Variants in FBN3 observed in about 807,000 individuals in gnomAD.
FBN3 encodes fibrillin-3.
Under a neutral mutation model 330.1 loss-of-function variants are expected in FBN3, and 234 were observed. The ratio of observed to expected loss-of-function variants is 0.71; its 90% CI spans 0.64 to 0.79. FBN3 has a LOEUF of 0.79. Ranked by LOEUF, FBN3 falls within the 30% of genes least tolerant of loss-of-function variation. FBN3 has a pLI of 0.00. For missense variants in FBN3, 3,606 were observed against 3,886.9 expected, an observed-to-expected ratio of 0.93 and a Z score of 1.92; for synonymous variants, 1,458 against 1,517.3, an observed-to-expected ratio of 0.96 and a Z score of 0.91.
At chr19:8,143,190 C>A (rs72993515) in intron 6 of FBN3, among the ~76,000 whole-genome samples, 10,215 of 152,198 alleles carry the variant, frequency 0.067, 469 homozygotes, top group East Asian at 0.11. Flanking sequence ...GCTGGCCCTT[C>A]CTTCTCTCAC....
At chr19:8,068,435 G>A (rs1352127908) in intron 63 of FBN3, among the ~76,000 whole-genome samples, 1 of 150,618 alleles carries the variant, frequency 6.6e-6, no homozygotes, top group Non-Finnish European at 1.5e-5. Context: ...GGTGGCTCAT[G>A]CCTGTACTCC....
chr19:8,089,975 G>A lies in FBN3; in HGVS notation c.6185-16C>T. The A allele has an allele frequency of 1.2e-6, 2 of 1,608,606 alleles. No individual in the cohort carries two copies. The highest frequency in any genetic ancestry group is 1.7e-6 in the Non-Finnish European group (2 of 1,178,714). Reference sequence around the variant, plus strand: ...TGAAAGGCAGCTGGACGGAGAGGGGGAGGGGAGTCAGAGTCAGGGCCTAGG... The same window carrying A: ...TGAAAGGCAGCTGGACGGAGAGGGGAAGGGGAGTCAGAGTCAGGGCCTAGG... On this transcript the variant is annotated splice_polypyrimidine_tract_variant and intron_variant, in intron 49 of 63. Coordinates refer to ENST00000600128, the MANE Select transcript of FBN3 (RefSeq NM_032447.5).
chr19:8,131,768 G>T lies in FBN3; in HGVS notation c.1776C>A (p.Gly592=). The T allele has an allele frequency of 6.2e-7, 1 of 1,613,186 alleles. No homozygotes were observed. Among genetic ancestry groups the T allele is most frequent in the South Asian group, 1.1e-5 (1 of 90,942 alleles). Reference sequence around the variant, plus strand: ...CCCCCAGGCACTGGCAGCGGAAGGAGCCCTCGGTGTTGGTACAGTGGCCGT... The same window carrying T: ...CCCCCAGGCACTGGCAGCGGAAGGATCCCTCGGTGTTGGTACAGTGGCCGT... ...CVNGHCTNTE[G]SFRCQCLGGL... The change falls in exon 15 of 64, where the codon GGC becomes GGA. Residue 592 remains glycine, a synonymous_variant. Coordinates refer to ENST00000600128, the MANE Select transcript of FBN3 (RefSeq NM_032447.5). The surrounding 1 kb of genome is among the most constrained non-coding windows in gnomAD (Gnocchi z 4.5).
chr19:8,085,462 G>A lies in FBN3; in HGVS notation c.6988C>T (p.Arg2330Trp), dbSNP rs372443838. The change falls in exon 56 of 64, where the codon CGG (arginine) becomes TGG (tryptophan). Residue 2330 changes from arginine (R) to tryptophan (W), a missense_variant. Coordinates refer to ENST00000600128, the MANE Select transcript of FBN3 (RefSeq NM_032447.5). The stretch of plus-strand genomic sequence containing the variant: ...AGCTCGCAGCGGGGCCCCCAGCCCC[G>A]GCCACCCCCACAGCAGCACTCGGCC... ...TRAECCCGGG[R>W]GWGPRCELCP... 37 of 1,580,276 alleles carry A rather than the reference G, an allele frequency of 2.3e-5. No homozygotes were observed. The highest frequency in any genetic ancestry group is 1.0e-4 in the South Asian group (9 of 86,604).
chr19:8,131,741 C>T lies in FBN3; in HGVS notation c.1803G>A (p.Gly601=), dbSNP rs984524890. 6 of 1,613,044 alleles carry T rather than the reference C, an allele frequency of 3.7e-6. No homozygotes were observed. Among genetic ancestry groups the T allele is most frequent in the Non-Finnish European group, 5.1e-6 (6 of 1,179,668 alleles). ...EGSFRCQCLG[G]LAVGTDGRVC... ...CGCGGCCATCCGTGCCTACCGCCAGCCCCCCCAGGCACTGGCAGCGGAAGG... is the reference window on the plus strand; with the variant it reads ...CGCGGCCATCCGTGCCTACCGCCAGTCCCCCCAGGCACTGGCAGCGGAAGG... Residue 601 remains glycine, a synonymous_variant, in exon 15 of 64, where the codon GGG becomes GGA. Transcript: ENST00000600128. The surrounding 1 kb of genome is among the most constrained non-coding windows in gnomAD (Gnocchi z 4.5).
rs949655703 is a variant in FBN3, at chr19:8,141,931, A to C, written c.739+9T>G. On this transcript the variant is annotated intron_variant, in intron 7 of 63. Transcript: ENST00000600128. ...AGGCCTCCCACTCAGCCCTGACCCC[A>C]CTATTCACCTTGGCAGGCCCCCGTG... 6 of 1,614,090 alleles carry C rather than the reference A, an allele frequency of 3.7e-6. No homozygotes were observed. The highest frequency in any genetic ancestry group is 2.2e-5 in the East Asian group (1 of 44,876).
intron 51 of FBN3, among the ~76,000 whole-genome samples, chr19:8,088,801 G>A (rs2082025039): frequency 6.6e-6 from 1 of 152,162 alleles, no homozygotes. Flanking sequence ...ACAAATGAAG[G>A]AACAAATGAA....
At chr19:8,080,383 C>T (rs941100546) in intron 59 of FBN3, among the ~76,000 whole-genome samples, 3 of 152,186 alleles carry the variant, frequency 2.0e-5, no homozygotes, top group African/African-American at 7.2e-5. Context: ...CTGATTTCCT[C>T]CTGGGACTAT....
Position 8,097,215 on chromosome 19 carries a change from A to C in FBN3, c.5287+74T>G. 1.9e-6 allele frequency: 3 copies of C among 1,543,310 alleles called. 1 individual carries two copies. The South Asian group carries it at 3.6e-5, about 18-fold the overall frequency. ...AATGGAGGCTTACAGAGTTTTAGTT[A>C]CTCGCCCAGATTGCACAGTGGCGGA... On this transcript the variant is annotated intron_variant, in intron 42 of 63. Coordinates refer to ENST00000600128, the MANE Select transcript of FBN3 (RefSeq NM_032447.5).
intron 14 of FBN3, among the ~76,000 whole-genome samples, chr19:8,132,411 C>T (rs913718250): frequency 7.2e-5 from 11 of 151,758 alleles, no homozygotes; most frequent in African/African-American, 2.7e-4. Context: ...GAACTCCTGT[C>T]CTCAAGTGAT....
chr19:8,065,839 A>G lies in FBN3; in HGVS notation c.*80T>C. The G allele has an allele frequency of 1.7e-6, 2 of 1,202,600 alleles. No homozygotes were observed. The highest frequency in any genetic ancestry group is 2.3e-6 in the Non-Finnish European group (2 of 853,498). 74.5% of individuals were successfully genotyped at this position (1,202,600 alleles called of 1,614,324 possible). A position where few individuals can be genotyped will look rare whatever the true frequency, so the allele number is the denominator to read the frequency against. The stretch of plus-strand genomic sequence containing the variant: ...GTTTCGGGGTTCAATCTGGTCAGCC[A>G]TCGCTTCTGGGGATCAGTCCTTCCC... On this transcript the variant is annotated 3_prime_UTR_variant, in exon 64 of 64. Coordinates refer to ENST00000600128, the MANE Select transcript of FBN3 (RefSeq NM_032447.5).
At chr19:8,085,675 G>A in intron 55 of FBN3, 106 bp from the exon 56 acceptor site, 1 of 832,606 alleles carries the variant, frequency 1.2e-6, no homozygotes, top group East Asian at 2.8e-5. Context: ...GTTGGGGACA[G>A]GGGTGTCCAG....
chr19:8,116,621 A>G (rs2082710354), intron 29 of FBN3, 53 bp downstream of exon 29: 3 of 1,569,588 alleles, frequency 1.9e-6, no homozygotes, highest in Non-Finnish European at 1.7e-6. Context: ...CTGGTGTGTG[A>G]ATTCTGACAC....
intron 10 of FBN3, 142 bp downstream of exon 10, chr19:8,137,999 A>C: frequency 1.1e-6 from 1 of 930,678 alleles, no homozygotes; most frequent in Non-Finnish European, 1.6e-6. Context: ...TGTCATCCCT[A>C]CTAGCCAGGC....
At chr19:8,108,100 G>A (rs1314152185) in intron 37 of FBN3, 70 bp downstream of exon 37, 6 of 1,385,198 alleles carry the variant, frequency 4.3e-6, no homozygotes, top group Non-Finnish European at 6.1e-6. Flanking sequence ...CTACACTTTG[G>A]TGAGGTGGGG....
At chr19:8,092,630 G>T (rs1258774726) in intron 47 of FBN3, among the ~76,000 whole-genome samples, 1 of 141,150 alleles carries the variant, frequency 7.1e-6, no homozygotes, top group Admixed American at 7.8e-5. Context: ...CAGGAGAATC[G>T]CTTGAACCCG....
At chr19:8,089,711 C>T (rs758060072) in intron 50 of FBN3, 41 bp from the exon 51 acceptor site, 1 of 1,609,446 alleles carries the variant, frequency 6.2e-7, no homozygotes, top group Admixed American at 1.7e-5. Flanking sequence ...TCTGTCACCA[C>T]ACAATCGCCA....
At position 8,135,941 on chromosome 19, in the gene FBN3, C is replaced by CA; in HGVS notation, c.1591+19_1591+20insT. On this transcript the variant is annotated intron_variant, in intron 13 of 63. Coordinates refer to ENST00000600128, the MANE Select transcript of FBN3 (RefSeq NM_032447.5). ...AGTGGGGCCCGGAAGCCCCTGCCCACCCGCCCACCCCCAACTCACCCACAC... is the reference window on the plus strand; with the variant it reads ...AGTGGGGCCCGGAAGCCCCTGCCCACACCGCCCACCCCCAACTCACCCACAC... 2.3e-6 allele frequency: 1 copy of CA among 441,532 alleles called. No individual in the cohort carries two copies. The highest frequency in any genetic ancestry group is 4.3e-6 in the Non-Finnish European group (1 of 231,016). 27.4% of individuals were successfully genotyped at this position (441,532 alleles called of 1,614,324 possible).
At chr19:8,093,586 G>A (rs947181043) in intron 47 of FBN3, among the ~76,000 whole-genome samples, 1 of 152,102 alleles carries the variant, frequency 6.6e-6, no homozygotes, top group Admixed American at 6.5e-5. Flanking sequence ...TTGTGCCACT[G>A]CACTCCAGCC....
Sources: allele counts gnomAD v4.1 joint callset (sites outside exome capture counted in the v4.1 genomes callset), GRCh38; gene constraint gnomAD v4.1.1; non-coding constraint Gnocchi (gnomAD v3.1); transcripts MANE v1.5; gene names NCBI Gene and HGNC (gene_info 2026-07-23, HGNC 2026-07-21).